ROR2: variants seen among roughly 807,000 people sequenced by gnomAD.
ROR2 encodes ROR family WNT receptor 2.
A neutral mutation model predicts 74.9 loss-of-function variants in ROR2; 33 were observed. The observed-to-expected ratio is 0.44, with a 90% CI of 0.33 to 0.59. The LOEUF (loss-of-function observed/expected upper bound fraction) is 0.59. ROR2 is among the 20% of genes least tolerant of loss of function. The pLI is 0.02. For missense variants in ROR2, 1,216 were observed against 1,313.8 expected (o/e 0.93, Z 1.15); for synonymous variants, 586 against 558.7 (o/e 1.05, Z -0.69).
At chr9:91,791,471 C>T (rs1179786227) in intron 1 of ROR2, among the ~76,000 whole-genome samples, 1 of 152,016 alleles carries the variant, frequency 6.6e-6, no homozygotes, top group South Asian at 2.1e-4. Flanking sequence ...GATGCATGAT[C>T]GTATAAGGCA....
intron 2 of ROR2, among the ~76,000 whole-genome samples, chr9:91,761,148 C>G (rs1825902526): frequency 6.6e-6 from 1 of 152,118 alleles, no homozygotes; most frequent in Admixed American, 6.5e-5. Context: ...TCTAGAGGCT[C>G]TGTGTGAGAA....
intron 4 of ROR2, among the ~76,000 whole-genome samples, chr9:91,749,628 C>T (rs1329113351): frequency 1.3e-5 from 2 of 152,144 alleles, no homozygotes; most frequent in Non-Finnish European, 2.9e-5. Flanking sequence ...CTGTGGAATT[C>T]GTCCAGGAAC....
At chr9:91,926,844 G>A (rs1026067479) in intron 1 of ROR2, among the ~76,000 whole-genome samples, 2 of 152,148 alleles carry the variant, frequency 1.3e-5, no homozygotes, top group Admixed American at 6.5e-5. Flanking sequence ...CAGGAGCGGG[G>A]AATAAAGAGG....
intron 1 of ROR2, among the ~76,000 whole-genome samples, chr9:91,806,979 C>T (rs1266123272): frequency 6.6e-6 from 1 of 152,152 alleles, no homozygotes; most frequent in Non-Finnish European, 1.5e-5. Flanking sequence ...ACTTGGGAAA[C>T]AGAATCTCTG....
At chr9:91,846,171 A>T (rs944979556) in intron 1 of ROR2, among the ~76,000 whole-genome samples, 2 of 152,188 alleles carry the variant, frequency 1.3e-5, no homozygotes, top group African/African-American at 4.8e-5. Context: ...TTCATCTTAA[A>T]GCTTGGAATA....
chr9:91,740,843 T>C (rs1279690476), intron 4 of ROR2, among the ~76,000 whole-genome samples: 1 of 152,090 alleles, frequency 6.6e-6, no homozygotes, highest in African/African-American at 2.4e-5. Context: ...GTAAGTGCAG[T>C]AGACATGCTC....
chr9:91,728,710 C>T (rs540518892), intron 7 of ROR2, among the ~76,000 whole-genome samples: 3 of 152,212 alleles, frequency 2.0e-5, no homozygotes, highest in South Asian at 2.1e-4. Flanking sequence ...GGATTACAGG[C>T]GTGAGCCACC....
At chr9:91,915,606 G>A (rs1205919553) in intron 1 of ROR2, among the ~76,000 whole-genome samples, 2 of 151,300 alleles carry the variant, frequency 1.3e-5, no homozygotes, top group South Asian at 2.1e-4. Flanking sequence ...CACAGCCATG[G>A]AAGGGAACCT....
rs938305081 is a variant in ROR2 at position 91,847,893 on chromosome 9, TG to T, written c.98-72076del. On this transcript the variant is annotated intron_variant, in intron 1 of 8. Coordinates refer to ENST00000375708, the MANE Select transcript of ROR2 (RefSeq NM_004560.4). ...GACTCACTCTCCAGGACGGGAAGGA[TG>T]CAGGAGCCAGCTTCAGCAGAACTCC... 9.7e-4 allele frequency among the ~76,000 whole-genome samples: 148 copies of T among 152,242 alleles called. 1 individual carries two copies. The highest frequency in any genetic ancestry group is 3.3e-3 in the African/African-American group (138 of 41,554).
intron 1 of ROR2, among the ~76,000 whole-genome samples, chr9:91,843,588 C>A (rs1258426827): frequency 6.6e-6 from 1 of 152,158 alleles, no homozygotes; most frequent in Admixed American, 6.6e-5. Context: ...GGGCTGTGAC[C>A]CCCAATCCCA....
At chr9:91,856,860 T>C (rs1418456837) in intron 1 of ROR2, among the ~76,000 whole-genome samples, 1 of 152,212 alleles carries the variant, frequency 6.6e-6, no homozygotes, top group Non-Finnish European at 1.5e-5. Context: ...CTCAAGCTCA[T>C]AGAGTCCCCA....
chr9:91,882,301 C>G (rs1830134888), intron 1 of ROR2, among the ~76,000 whole-genome samples: 1 of 151,676 alleles, frequency 6.6e-6, no homozygotes, highest in South Asian at 2.1e-4. Context: ...ATCCCAGCTA[C>G]TAGGGAGGCT....
chr9:91,799,689 T>C (rs1463763858), intron 1 of ROR2, among the ~76,000 whole-genome samples: 1 of 152,240 alleles, frequency 6.6e-6, no homozygotes, highest in Admixed American at 6.5e-5. Flanking sequence ...TCCAGCTTAC[T>C]GAACTGTGTC....
chr9:91,879,285 G>T (rs1337736720), intron 1 of ROR2, among the ~76,000 whole-genome samples: 1 of 152,200 alleles, frequency 6.6e-6, no homozygotes, highest in Non-Finnish European at 1.5e-5. Flanking sequence ...GGCCTTGGAG[G>T]TTCAGGGAAA....
At chr9:91,836,742 G>A (rs1330097739) in intron 1 of ROR2, among the ~76,000 whole-genome samples, 2 of 152,224 alleles carry the variant, frequency 1.3e-5, no homozygotes, top group Non-Finnish European at 2.9e-5. Flanking sequence ...GCATTGGGGC[G>A]AGTTCTGGAA....
chr9:91,769,486 C>T lies in ROR2; in HGVS notation c.175+6255G>A, dbSNP rs2118904680. On this transcript the variant is annotated intron_variant, in intron 2 of 8. Coordinates refer to ENST00000375708, the MANE Select transcript of ROR2 (RefSeq NM_004560.4). ...ACGCAGGGCATGTGGGACACCACCC[C>T]CCACTCCTGCCCTTGGCTACATAAC... Among the ~76,000 whole-genome samples the T allele has an allele frequency of 1.3e-5, 2 of 152,282 alleles. 1 individual carries two copies. Among genetic ancestry groups the T allele is most frequent in the Middle Eastern group, 6.8e-3 (2 of 294 alleles).
At chr9:91,746,367 A>G (rs1200379797) in intron 4 of ROR2, among the ~76,000 whole-genome samples, 2 of 152,176 alleles carry the variant, frequency 1.3e-5, no homozygotes, top group South Asian at 2.1e-4. Context: ...CTGAGCCACC[A>G]TGCCTGGCCT....
intron 1 of ROR2, among the ~76,000 whole-genome samples, chr9:91,893,859 A>G (rs749044098): frequency 6.6e-6 from 1 of 152,102 alleles, no homozygotes; most frequent in Non-Finnish European, 1.5e-5. Context: ...TACCATCTTA[A>G]CCATCTCTAA....
At chr9:91,729,089 TAAAA>T (rs5899140) in intron 7 of ROR2, among the ~76,000 whole-genome samples, 2 of 144,720 alleles carry the variant, frequency 1.4e-5, no homozygotes, top group Non-Finnish European at 1.5e-5. Flanking sequence ...CTACTCACTG[TAAAA>T]AAAAAAAAAA....
Sources: allele counts gnomAD v4.1 joint callset (sites outside exome capture counted in the v4.1 genomes callset), GRCh38; gene constraint gnomAD v4.1.1; transcripts MANE v1.5; gene names NCBI Gene and HGNC (gene_info 2026-07-23, HGNC 2026-07-21).